The following RABGAP1L variants were observed in gnomAD, a reference collection of about 807,000 sequenced individuals.
The protein encoded by RABGAP1L is RAB GTPase activating protein 1 like, also known as rab GTPase-activating protein 1-like.
A neutral mutation model predicts 137.7 loss-of-function variants in RABGAP1L; 63 were observed. The observed-to-expected ratio is 0.46, with a 90% CI of 0.37 to 0.56. The LOEUF (loss-of-function observed/expected upper bound fraction) is 0.56, where lower values mean the gene tolerates loss of function less well. Ranked by LOEUF, RABGAP1L falls within the 20% of genes least tolerant of loss-of-function variation. The pLI, the probability that RABGAP1L is intolerant of heterozygous loss-of-function variation, is 0.00. For missense variants in RABGAP1L, 1,095 were observed against 1,244.0 expected (o/e 0.88, Z 1.80); for synonymous variants, 431 against 433.7 (o/e 0.99, Z 0.08).
intron 11 of RABGAP1L, among the ~76,000 whole-genome samples, chr1:174,326,482 G>T (rs993842071): frequency 6.6e-6 from 1 of 152,142 alleles, no homozygotes; most frequent in Non-Finnish European, 1.5e-5. Flanking sequence ...TCGAAGACAG[G>T]CTCTTCAAAA....
At chr1:174,258,845 A>G (rs748099976) in intron 7 of RABGAP1L, among the ~76,000 whole-genome samples, 1 of 151,970 alleles carries the variant, frequency 6.6e-6, no homozygotes, top group Non-Finnish European at 1.5e-5. Flanking sequence ...TGATGTGATC[A>G]TAGCTCACTG....
At chr1:174,938,286 G>A (rs1042035359) in intron 19 of RABGAP1L, among the ~76,000 whole-genome samples, 4 of 152,218 alleles carry the variant, frequency 2.6e-5, no homozygotes, top group Non-Finnish European at 4.4e-5. Flanking sequence ...ACCAGGCTTA[G>A]TGTTCCCACC....
Position 174,396,975 on chromosome 1 carries a change from C to CAA in RABGAP1L, c.1710+2846_1710+2847dup, listed in dbSNP as rs35904728. ...GCTACATAGTGAGACGCTGTCTCTACAAAAAAAAAAAAAAAAATTAGCTGG... is the reference window on the plus strand; with the variant it reads ...GCTACATAGTGAGACGCTGTCTCTACAAAAAAAAAAAAAAAAAAATTAGCTGG... On this transcript the variant is annotated intron_variant, in intron 13 of 25. Coordinates refer to ENST00000681986, the MANE Select transcript of RABGAP1L (RefSeq NM_001366446.1). 1.7e-3 allele frequency among the ~76,000 whole-genome samples: 158 copies of CAA among 93,130 alleles called. 1 individual carries two copies. Among genetic ancestry groups the CAA allele is most frequent in the Middle Eastern group, 0.014 (2 of 148 alleles). 61.1% of individuals were successfully genotyped at this position (93,130 alleles called of 152,430 possible).
intron 19 of RABGAP1L, among the ~76,000 whole-genome samples, chr1:174,852,851 A>C (rs560682470): frequency 2.6e-4 from 39 of 152,044 alleles, no homozygotes; most frequent in South Asian, 1.0e-3. Flanking sequence ...AGTAGAACCC[A>C]TGAAGAAAAA....
At chr1:174,499,348 G>A (rs897494323) in intron 13 of RABGAP1L, among the ~76,000 whole-genome samples, 2 of 152,134 alleles carry the variant, frequency 1.3e-5, no homozygotes, top group Admixed American at 6.5e-5. Context: ...TCAAATTAGT[G>A]TATACCGTTC....
chr1:174,227,166 A>G (rs1219214677), intron 3 of RABGAP1L, among the ~76,000 whole-genome samples: 1 of 151,400 alleles, frequency 6.6e-6, no homozygotes, highest in East Asian at 1.9e-4. Flanking sequence ...AATATTTATC[A>G]TATGACCCTT....
At chr1:174,613,995 T>A (rs1206137882) in intron 13 of RABGAP1L, among the ~76,000 whole-genome samples, 1 of 152,136 alleles carries the variant, frequency 6.6e-6, no homozygotes, top group African/African-American at 2.4e-5. Flanking sequence ...CACTGATGGG[T>A]CTTGACTCTT....
chr1:174,665,766 T>A (rs1676745854), intron 14 of RABGAP1L, among the ~76,000 whole-genome samples: 1 of 152,208 alleles, frequency 6.6e-6, no homozygotes, highest in Non-Finnish European at 1.5e-5. Flanking sequence ...TGCCCAGCCT[T>A]AGCTTCTTTA....
chr1:174,428,644 T>C (rs1024501911), intron 13 of RABGAP1L, among the ~76,000 whole-genome samples: 1 of 152,146 alleles, frequency 6.6e-6, no homozygotes, highest in Non-Finnish European at 1.5e-5. Context: ...TTCTACTATT[T>C]GTGTCAGGGT....
At chr1:174,624,352 A>G (rs929979377) in intron 13 of RABGAP1L, among the ~76,000 whole-genome samples, 4 of 152,166 alleles carry the variant, frequency 2.6e-5, no homozygotes, top group Admixed American at 6.6e-5. Flanking sequence ...CTGTTAGCAT[A>G]TATTTCTTTC....
chr1:174,656,739 T>C (rs970724081), intron 14 of RABGAP1L, among the ~76,000 whole-genome samples: 4 of 152,248 alleles, frequency 2.6e-5, no homozygotes, highest in African/African-American at 9.6e-5. Context: ...GTAGAGTTTG[T>C]ATTCTTTGTC....
intron 10 of RABGAP1L, among the ~76,000 whole-genome samples, chr1:174,297,753 G>T (rs945591685): frequency 2.0e-5 from 3 of 152,148 alleles, no homozygotes; most frequent in Non-Finnish European, 4.4e-5. Context: ...TGGCCTGAAG[G>T]CAAGAATAGA....
intron 13 of RABGAP1L, among the ~76,000 whole-genome samples, chr1:174,563,908 A>T (rs1441992718): frequency 1.3e-5 from 2 of 152,168 alleles, no homozygotes; most frequent in East Asian, 1.9e-4. Flanking sequence ...TTGTTACCCC[A>T]GGTCTTGCCA....
intron 19 of RABGAP1L, among the ~76,000 whole-genome samples, chr1:174,901,730 G>T (rs751687357): frequency 6.6e-6 from 1 of 152,108 alleles, no homozygotes. Flanking sequence ...AAGTGTTAAC[G>T]GTCATTTGGA....
At chr1:174,330,339 G>A (rs973910334) in intron 11 of RABGAP1L, among the ~76,000 whole-genome samples, 4 of 152,092 alleles carry the variant, frequency 2.6e-5, no homozygotes, top group East Asian at 1.9e-4. Flanking sequence ...CAACACTTTC[G>A]GAGGCTGAGG....
intron 1 of RABGAP1L, among the ~76,000 whole-genome samples, chr1:174,179,385 A>G (rs927430424): frequency 6.6e-6 from 1 of 152,224 alleles, no homozygotes; most frequent in African/African-American, 2.4e-5. Context: ...CACTCAAACA[A>G]TTGCACAAGT....
chr1:174,217,638 T>C (rs74128321), intron 1 of RABGAP1L, among the ~76,000 whole-genome samples: 1,858 of 152,210 alleles, frequency 0.012, 46 homozygotes, highest in African/African-American at 0.043. Flanking sequence ...AAACAAAATA[T>C]ACAAAGTGAG....
chr1:174,600,734 C>A (rs1670342292), intron 13 of RABGAP1L, among the ~76,000 whole-genome samples: 1 of 152,208 alleles, frequency 6.6e-6, no homozygotes, highest in Admixed American at 6.5e-5. Context: ...TTGCAGAGTA[C>A]AGCCTCCCTT....
chr1:174,531,062 T>C lies in RABGAP1L; in HGVS notation c.1711-106313T>C, dbSNP rs993837091. On this transcript the variant is annotated intron_variant, in intron 13 of 25. Coordinates refer to ENST00000681986, the MANE Select transcript of RABGAP1L (RefSeq NM_001366446.1). ...CTACACATAACCCCATGGGTGAATC[T>C]GAATACACAGTTATTGAGTGAAAGA... is the stretch of plus-strand genomic sequence containing the variant. Among the ~76,000 whole-genome samples, 4 of 152,184 alleles carry C rather than the reference T, an allele frequency of 2.6e-5. No homozygotes were observed. The South Asian group carries it at 6.2e-4, about 24-fold the overall frequency.
Sources: gnomAD v4.1 joint callset for allele counts (sites outside exome capture counted in the v4.1 genomes callset) on GRCh38, gnomAD v4.1.1 for gene constraint, MANE v1.5 for transcripts, NCBI Gene and HGNC (gene_info 2026-07-23, HGNC 2026-07-21) for gene names.